Variants in INTS14 observed in about 807,000 individuals in gnomAD.
INTS14 encodes UPF0464 protein C15orf44.
A neutral mutation model predicts 56.9 loss-of-function variants in INTS14; 27 were observed. That is an observed-to-expected ratio of 0.47 (90% CI 0.35 to 0.65). The LOEUF (loss-of-function observed/expected upper bound fraction) is 0.65, where lower values mean the gene tolerates loss of function less well. INTS14 is among the 30% of genes least tolerant of loss of function. The probability of loss-of-function intolerance (pLI) is 0.00; values close to 1 mark genes in which losing one functional copy is unlikely to be tolerated. For synonymous variants in INTS14, 207 were observed against 236.2 expected (o/e 0.88, Z 1.13); for missense variants, 517 against 632.2 (o/e 0.82, Z 1.95).
At position 65,593,536 on chromosome 15, in the gene INTS14, T is replaced by C. The variant is rs753086767; in HGVS notation, c.878A>G (p.Asn293Ser). ...DEVGTGITDDNEDENSANQIA... is the reference protein window; with the variant it reads ...DEVGTGITDDSEDENSANQIA... Reference sequence around the variant, plus strand: ...CTGATTGGCTGAATTTTCATCTTCATTGTCATCAGTGATGCCAGTACCCAC... The same window carrying C: ...CTGATTGGCTGAATTTTCATCTTCACTGTCATCAGTGATGCCAGTACCCAC... The change falls in exon 8 of 12, where the codon AAT (asparagine) becomes AGT (serine). Residue 293 changes from asparagine (N) to serine (S), a missense_variant. Physicochemically the swap from Asn to Ser is conservative, Grantham distance 46. Transcript: ENST00000313182. The C allele has an allele frequency of 1.2e-6, 2 of 1,614,030 alleles. No individual in the cohort carries two copies. Among genetic ancestry groups the C allele is most frequent in the East Asian group, 2.2e-5 (1 of 44,866 alleles).
intron 10 of INTS14, among the ~76,000 whole-genome samples, chr15:65,584,367 T>C (rs145989348): frequency 3.4e-4 from 52 of 152,288 alleles, no homozygotes; most frequent in African/African-American, 1.2e-3. Context: ...TGCCTCACCA[T>C]ATAAAAAATT....
chr15:65,592,819 T>C (rs1336517531), intron 8 of INTS14, among the ~76,000 whole-genome samples: 1 of 152,070 alleles, frequency 6.6e-6, no homozygotes, highest in African/African-American at 2.4e-5. Context: ...TAAAGCAAGT[T>C]AGTAGCATTG....
chr15:65,605,809 G>C (rs1027384232), intron 2 of INTS14, among the ~76,000 whole-genome samples: 1 of 152,180 alleles, frequency 6.6e-6, no homozygotes, highest in East Asian at 1.9e-4. Context: ...CTAAATTTCA[G>C]AACTGCAGAA....
At position 65,607,180 on chromosome 15, in the gene INTS14, C is replaced by T. The variant is rs374731569; in HGVS notation, c.201G>A (p.Thr67=). The T allele has an allele frequency of 8.7e-6, 14 of 1,614,052 alleles. No individual in the cohort carries two copies. The highest frequency in any genetic ancestry group is 8.0e-5 in the African/African-American group (6 of 74,916). Residue 67 remains threonine, a synonymous_variant, in exon 2 of 12, where the codon ACG becomes ACA. Transcript: ENST00000313182. Reference sequence around the variant, plus strand: ...GTACCTGTAGGGTATTATAATCTCTCGTGAAGGGGACCATCAACTCCCAAA... The same window carrying T: ...GTACCTGTAGGGTATTATAATCTCTTGTGAAGGGGACCATCAACTCCCAAA... The part of the protein sequence containing the change: ...SSLWELMVPF[T]RDYNTLQEAL...
At position 65,578,871 on chromosome 15, in the gene INTS14, G is replaced by A. The variant is rs563052960; in HGVS notation, c.*537C>T. On this transcript the variant is annotated 3_prime_UTR_variant, in exon 12 of 12. Coordinates refer to ENST00000313182, the MANE Select transcript of INTS14 (RefSeq NM_001394796.1). ...ATTAATGGTTGCTCTTTAAAAGTTA[G>A]AATCTCAAGAGATACCAAAAGCACT... is the stretch of plus-strand genomic sequence containing the variant. 6.6e-6 allele frequency: 1 copy of A among 152,134 alleles called. No individual in the cohort carries two copies. Among genetic ancestry groups the A allele is most frequent in the Non-Finnish European group, 1.5e-5 (1 of 68,070 alleles). 9.4% of individuals were successfully genotyped at this position (152,134 alleles called of 1,614,324 possible).
At position 65,598,365 on chromosome 15, in the gene INTS14, A is replaced by T. The variant is rs2073293067; in HGVS notation, c.704T>A (p.Val235Asp). 4 of 1,613,986 alleles carry T rather than the reference A, an allele frequency of 2.5e-6. No individual in the cohort carries two copies. Among genetic ancestry groups the T allele is most frequent in the Non-Finnish European group, 2.5e-6 (3 of 1,179,984 alleles). ...VQVFPRPEPF[V>D]VDEEIDPIPK... ...GATAGGATCAATTTCTTCATCTACA[A>T]CAAAAGGTTCTGGCCTGGGGAAGAC... Residue 235 changes from valine (V) to aspartate (D), a missense_variant, in exon 6 of 12, where the codon GTT (valine) becomes GAT (aspartate). By Grantham distance (152) the Val-to-Asp change is radical. Transcript: ENST00000313182.
rs965808586 is a variant in INTS14 at position 65,578,865 on chromosome 15, A to AAGTT, written c.*539_*542dup. The AAGTT allele has an allele frequency of 1.3e-5, 2 of 152,286 alleles. No homozygotes were observed. The highest frequency in any genetic ancestry group is 4.8e-5 in the African/African-American group (2 of 41,468). 9.4% of individuals were successfully genotyped at this position (152,286 alleles called of 1,614,324 possible). On this transcript the variant is annotated 3_prime_UTR_variant, in exon 12 of 12. Transcript: ENST00000313182. Reference sequence around the variant, plus strand: ...TTACACATTAATGGTTGCTCTTTAAAAGTTAGAATCTCAAGAGATACCAAA... The same window carrying AAGTT: ...TTACACATTAATGGTTGCTCTTTAAAAGTTAGTTAGAATCTCAAGAGATACCAAA...
intron 2 of INTS14, among the ~76,000 whole-genome samples, chr15:65,605,984 G>A (rs1241375601): frequency 1.3e-5 from 2 of 152,050 alleles, no homozygotes; most frequent in African/African-American, 4.8e-5. Context: ...GGCCGGGCGC[G>A]GTGGCTCACG....
At chr15:65,598,505 T>C (rs751875750) in intron 5 of INTS14, 42 bp from the exon 6 acceptor site, 44 of 1,579,994 alleles carry the variant, frequency 2.8e-5, no homozygotes, top group Non-Finnish European at 3.8e-5. Flanking sequence ...AGTAATACGA[T>C]ACATATGAAG....
chr15:65,608,991 G>A (rs777081781), intron 1 of INTS14, among the ~76,000 whole-genome samples: 4 of 152,176 alleles, frequency 2.6e-5, no homozygotes, highest in Non-Finnish European at 4.4e-5. Context: ...ACCGCCTCCC[G>A]GGTTCACGCC....
chr15:65,579,437 A>G lies in INTS14; in HGVS notation c.1528T>C (p.Phe510Leu). The change falls in exon 12 of 12, where the codon TTC becomes CTC. Residue 510 changes from phenylalanine (F) to leucine (L), a missense_variant. Physicochemically the swap from Phe to Leu is conservative, Grantham distance 22 (BLOSUM62 0). Coordinates refer to ENST00000313182, the MANE Select transcript of INTS14 (RefSeq NM_001394796.1). ...ATTCTTTCAGTGCTGCTCCCAGAGA[A>G]GTCCGTGTGCAAAGGTGTGATGTTC... is the stretch of plus-strand genomic sequence containing the variant. ...DQNITPLHTDFSGSSTERI is the reference protein window; with the variant it reads ...DQNITPLHTDLSGSSTERI The G allele has an allele frequency of 1.2e-6, 2 of 1,613,228 alleles. No homozygotes were observed. Among genetic ancestry groups the G allele is most frequent in the South Asian group, 1.1e-5 (1 of 91,074 alleles).
In INTS14 at chr15:65,584,032, G is replaced by A. The variant is rs377693350; in HGVS notation, c.1239+738C>T. Among the ~76,000 whole-genome samples the A allele has an allele frequency of 1.1e-4, 17 of 152,304 alleles. No individual in the cohort carries two copies. In the South Asian group the frequency reaches 3.5e-3, roughly 32 times the overall value. On this transcript the variant is annotated intron_variant, in intron 10 of 11. Coordinates refer to ENST00000313182, the MANE Select transcript of INTS14 (RefSeq NM_001394796.1). ...ACTGGAAGAACAAATGTAAATAAAG[G>A]TGCTCAAAGGAGAAAAAAGTTTCAA...
At chr15:65,582,149 C>A in intron 10 of INTS14, 130 bp from the exon 11 acceptor site, 1 of 785,596 alleles carries the variant, frequency 1.3e-6, no homozygotes, top group African/African-American at 1.8e-5. Flanking sequence ...AGATGAGGAT[C>A]CCTTCTGAGT....
intron 9 of INTS14, among the ~76,000 whole-genome samples, chr15:65,590,341 C>T (rs1243329714): frequency 6.6e-6 from 1 of 152,226 alleles, no homozygotes; most frequent in Non-Finnish European, 1.5e-5. Flanking sequence ...TCCCCCTGTT[C>T]TCACTGTAGC....
intron 10 of INTS14, among the ~76,000 whole-genome samples, chr15:65,584,009 T>A (rs1472855389): frequency 6.6e-6 from 1 of 152,222 alleles, no homozygotes; most frequent in Non-Finnish European, 1.5e-5. Flanking sequence ...TTGAACTTAC[T>A]GGAAGAACAA....
intron 10 of INTS14, 29 bp downstream of exon 10, chr15:65,584,741 G>A: frequency 6.3e-7 from 1 of 1,599,654 alleles, no homozygotes. Context: ...CCTGTCCCCA[G>A]TGGAAAGCAA....
At chr15:65,606,502 G>A (rs2073660475) in intron 2 of INTS14, among the ~76,000 whole-genome samples, 1 of 151,054 alleles carries the variant, frequency 6.6e-6, no homozygotes, top group Admixed American at 6.6e-5. Flanking sequence ...TGATCCTCTC[G>A]CCTTGGCTTC....
In INTS14 at chr15:65,595,451, A is replaced by G. The variant is rs556790078; in HGVS notation, c.841+282T>C. Among the ~76,000 whole-genome samples, 6 of 152,374 alleles carry G rather than the reference A, an allele frequency of 3.9e-5. No homozygotes were observed. In the South Asian group the frequency reaches 1.2e-3, roughly 32 times the overall value. On this transcript the variant is annotated intron_variant, in intron 7 of 11. Coordinates refer to ENST00000313182, the MANE Select transcript of INTS14 (RefSeq NM_001394796.1). ...TTTCTCAGCATGTTAGTACTAGGAAAGGCAGAGCCCTGGATGAGGGACTAA... is the reference window on the plus strand; with the variant it reads ...TTTCTCAGCATGTTAGTACTAGGAAGGGCAGAGCCCTGGATGAGGGACTAA...
chr15:65,594,309 C>T (rs1332831331), intron 7 of INTS14, among the ~76,000 whole-genome samples: 1 of 152,154 alleles, frequency 6.6e-6, no homozygotes, highest in Non-Finnish European at 1.5e-5. Context: ...TCTAATTCAA[C>T]AGGAAGAATT....
Sources: allele counts gnomAD v4.1 joint callset (sites outside exome capture counted in the v4.1 genomes callset), GRCh38; gene constraint gnomAD v4.1.1; transcripts MANE v1.5; gene names NCBI Gene and HGNC (gene_info 2026-07-23, HGNC 2026-07-21).